The following RNF4 variants were observed in gnomAD, a reference collection of about 807,000 sequenced individuals.
RNF4 encodes ring finger protein 4.
A neutral mutation model predicts 24.3 loss-of-function variants in RNF4; 7 were observed. That is an observed-to-expected ratio of 0.29 (90% confidence interval 0.16 to 0.54). The LOEUF (loss-of-function observed/expected upper bound fraction) is 0.54, where lower values mean the gene tolerates loss of function less well. Ranked by LOEUF, RNF4 falls within the 20% of genes least tolerant of loss-of-function variation. RNF4 has a pLI of 0.95. For missense variants in RNF4, 209 were observed against 248.5 expected (o/e 0.84, Z 1.07); for synonymous variants, 83 against 84.3 (o/e 0.98, Z 0.09).
At chr4:2,506,727 C>A (rs76268614) in intron 4 of RNF4, among the ~76,000 whole-genome samples, 1 of 152,170 alleles carries the variant, frequency 6.6e-6, no homozygotes, top group African/African-American at 2.4e-5. Context: ...GTCACCATCC[C>A]TGGCTGATTT....
chr4:2,483,856 C>CT (rs1196000391), intron 1 of RNF4, among the ~76,000 whole-genome samples: 4 of 151,796 alleles, frequency 2.6e-5, no homozygotes, highest in Non-Finnish European at 4.4e-5. Context: ...TATTTTGAGA[C>CT]TGAGTTTCAC....
At chr4:2,474,987 G>A (rs1236030477) in intron 1 of RNF4, among the ~76,000 whole-genome samples, 1 of 152,072 alleles carries the variant, frequency 6.6e-6, no homozygotes, top group African/African-American at 2.4e-5. Context: ...AGATTGCGCC[G>A]TTGTACTCCA....
In RNF4 at chr4:2,472,197, A is replaced by G. The variant is rs79268809; in HGVS notation, c.-158+2939A>G. On this transcript the variant is annotated intron_variant, in intron 1 of 7. Transcript: ENST00000314289. ...TCCTAGGGCCCTTAAGAAGTATGCAAAAATCTACTGTGTGCTGATCATTGA... is the reference window on the plus strand; with the variant it reads ...TCCTAGGGCCCTTAAGAAGTATGCAGAAATCTACTGTGTGCTGATCATTGA... Among the ~76,000 whole-genome samples the G allele has an allele frequency of 4.8e-3, 728 of 152,352 alleles. 4 individuals are homozygous for G. Among genetic ancestry groups the G allele is most frequent in the African/African-American group, 0.014 (590 of 41,578 alleles).
At chr4:2,488,337 G>T (rs938540788) in intron 1 of RNF4, among the ~76,000 whole-genome samples, 1 of 152,200 alleles carries the variant, frequency 6.6e-6, no homozygotes, top group Non-Finnish European at 1.5e-5. Flanking sequence ...GGTGGCACAT[G>T]CCTGTAGTCC....
At position 2,469,156 on chromosome 4, in the gene RNF4, C is replaced by G. The variant is rs1734805193; in HGVS notation, c.-260C>G. The G allele has an allele frequency of 6.6e-6, 1 of 152,260 alleles. No individual in the cohort carries two copies. The highest frequency in any genetic ancestry group is 2.4e-5 in the African/African-American group (1 of 41,452). 9.4% of individuals were successfully genotyped at this position (152,260 alleles called of 1,614,324 possible). Reference sequence around the variant, plus strand: ...GGCGGCATCTTTCTCGAGGAGCTCTCCTGGGCGGCTGAAGAAGGAGCTTCT... The same window carrying G: ...GGCGGCATCTTTCTCGAGGAGCTCTGCTGGGCGGCTGAAGAAGGAGCTTCT... On this transcript the variant is annotated 5_prime_UTR_variant, in exon 1 of 8. Coordinates refer to ENST00000314289, the MANE Select transcript of RNF4 (RefSeq NM_002938.5).
intron 1 of RNF4, among the ~76,000 whole-genome samples, chr4:2,479,007 T>A (rs1008800734): frequency 6.6e-6 from 1 of 152,200 alleles, no homozygotes; most frequent in African/African-American, 2.4e-5. Flanking sequence ...TGGAGCTGCC[T>A]AAGGCCATGG....
intron 1 of RNF4, among the ~76,000 whole-genome samples, chr4:2,478,086 T>G (rs55958805): frequency 0.31 from 46,950 of 152,082 alleles, 8,481 homozygotes; most frequent in Admixed American, 0.5. Context: ...TCCTGTTATG[T>G]TTCAGCAAAG....
rs139227468 is a variant in RNF4 at position 2,470,403 on chromosome 4, C to T, written c.-158+1145C>T. Reference sequence around the variant, plus strand: ...TTAATGGACAAGGACATATTGGGTTCAGTTTTATCTGTGAGTTTGAGGTGA... The same window carrying T: ...TTAATGGACAAGGACATATTGGGTTTAGTTTTATCTGTGAGTTTGAGGTGA... On this transcript the variant is annotated intron_variant, in intron 1 of 7. Transcript: ENST00000314289. Among the ~76,000 whole-genome samples the T allele has an allele frequency of 2.6e-5, 4 of 152,266 alleles. No individual in the cohort carries two copies. In the East Asian group the frequency reaches 7.7e-4, roughly 29 times the overall value.
At chr4:2,511,109 G>C (rs1166741242) in intron 4 of RNF4, among the ~76,000 whole-genome samples, 2 of 152,250 alleles carry the variant, frequency 1.3e-5, no homozygotes, top group Non-Finnish European at 2.9e-5. Flanking sequence ...TGCCCCTAGT[G>C]CTGTCTAAAT....
At chr4:2,502,084 G>A (rs1277284033) in intron 4 of RNF4, among the ~76,000 whole-genome samples, 1 of 152,118 alleles carries the variant, frequency 6.6e-6, no homozygotes. Flanking sequence ...AACTAATTTG[G>A]TATATTAGCT....
chr4:2,501,159 T>C (rs978913993), intron 4 of RNF4, among the ~76,000 whole-genome samples: 2 of 152,208 alleles, frequency 1.3e-5, no homozygotes, highest in Non-Finnish European at 2.9e-5. Context: ...TTCCATGAAA[T>C]GGGGACAGGT....
chr4:2,482,245 A>G (rs1735265919), intron 1 of RNF4, among the ~76,000 whole-genome samples: 1 of 152,156 alleles, frequency 6.6e-6, no homozygotes, highest in African/African-American at 2.4e-5. Context: ...TGGGTCAAAT[A>G]ATCAGATTTG....
At chr4:2,470,756 GTCC>G (rs1734878908) in intron 1 of RNF4, among the ~76,000 whole-genome samples, 1 of 152,010 alleles carries the variant, frequency 6.6e-6, no homozygotes, top group Non-Finnish European at 1.5e-5. Context: ...AACAGTCGTG[GTCC>G]TCCTGTAGCT....
chr4:2,469,145 C>G lies in RNF4; in HGVS notation c.-271C>G, dbSNP rs1011385885. 20 of 152,236 alleles carry G rather than the reference C, an allele frequency of 1.3e-4. No individual in the cohort carries two copies. The highest frequency in any genetic ancestry group is 3.6e-4 in the African/African-American group (15 of 41,454). 9.4% of individuals were successfully genotyped at this position (152,236 alleles called of 1,614,324 possible). On this transcript the variant is annotated 5_prime_UTR_variant, in exon 1 of 8. Coordinates refer to ENST00000314289, the MANE Select transcript of RNF4 (RefSeq NM_002938.5). ...GCTGTTGAGGCGGCGGCATCTTTCT[C>G]GAGGAGCTCTCCTGGGCGGCTGAAG...
chr4:2,513,847 G>T lies in RNF4; in HGVS notation c.*28G>T. ...TATTCAGAGCCCCCCAGGAGAGACG[G>T]ATGGACAGACAGACAGCCAGGTTCT... On this transcript the variant is annotated 3_prime_UTR_variant, in exon 8 of 8. Coordinates refer to ENST00000314289, the MANE Select transcript of RNF4 (RefSeq NM_002938.5). The T allele has an allele frequency of 6.2e-7, 1 of 1,613,084 alleles. No homozygotes were observed. Among genetic ancestry groups the T allele is most frequent in the Non-Finnish European group, 8.5e-7 (1 of 1,179,420 alleles).
intron 1 of RNF4, among the ~76,000 whole-genome samples, chr4:2,474,685 T>C (rs1244173675): frequency 2.6e-5 from 4 of 152,174 alleles, no homozygotes; most frequent in African/African-American, 9.7e-5. Context: ...GAGAAATCTT[T>C]CATGAAAGGA....
At chr4:2,510,353 G>C (rs1736237296) in intron 4 of RNF4, among the ~76,000 whole-genome samples, 1 of 152,178 alleles carries the variant, frequency 6.6e-6, no homozygotes, top group African/African-American at 2.4e-5. Context: ...GGGAGCTGCT[G>C]TGTCTGCTCC....
chr4:2,480,428 A>G (rs969455528), intron 1 of RNF4: 21 of 151,696 alleles, frequency 1.4e-4, no homozygotes, highest in African/African-American at 5.1e-4. Context: ...GCCCACCACC[A>G]TGCCTGGCTA....
At chr4:2,474,812 G>A (rs1735018686) in intron 1 of RNF4, among the ~76,000 whole-genome samples, 1 of 152,172 alleles carries the variant, frequency 6.6e-6, no homozygotes, top group African/African-American at 2.4e-5. Context: ...ATCACCTCAG[G>A]TTGGGACTTC....
Sources: allele counts gnomAD v4.1 joint callset (sites outside exome capture counted in the v4.1 genomes callset), GRCh38; gene constraint gnomAD v4.1.1; transcripts MANE v1.5; gene names NCBI Gene and HGNC (gene_info 2026-07-23, HGNC 2026-07-21).